The following DYSF variants were observed in gnomAD, a reference collection of about 807,000 sequenced individuals.
DYSF encodes the protein dysferlin.
Under a neutral mutation model 274.9 loss-of-function variants are expected in DYSF, and 212 were observed. That is an observed-to-expected ratio of 0.77 (90% CI 0.69 to 0.86). The LOEUF (loss-of-function observed/expected upper bound fraction) is 0.86. DYSF is among the 40% of genes least tolerant of loss of function. DYSF has a pLI of 0.00. For synonymous variants in DYSF, 1,091 were observed against 1,078.7 expected (o/e 1.01, Z -0.22); for missense variants, 2,666 against 2,783.2 (o/e 0.96, Z 0.95).
intron 3 of DYSF, among the ~76,000 whole-genome samples, chr2:71,492,688 T>G (rs1465125375): frequency 7.4e-6 from 1 of 134,774 alleles, no homozygotes; most frequent in Non-Finnish European, 1.5e-5. Context: ...ATTATTATTA[T>G]CTCCCTTCCT....
chr2:71,659,289 A>T (rs962436259), intron 44 of DYSF, among the ~76,000 whole-genome samples: 3 of 152,222 alleles, frequency 2.0e-5, no homozygotes, highest in African/African-American at 7.2e-5. Context: ...CTTAGGATAG[A>T]TGAGATTTTG....
chr2:71,626,472 A>G (rs1221390275), intron 41 of DYSF, among the ~76,000 whole-genome samples: 7 of 151,244 alleles, frequency 4.6e-5, no homozygotes, highest in Admixed American at 2.6e-4. Flanking sequence ...AACCCAAGTT[A>G]TCTAAAATAT....
At chr2:71,572,976 G>A (rs2092575117) in intron 29 of DYSF, among the ~76,000 whole-genome samples, 1 of 152,224 alleles carries the variant, frequency 6.6e-6, no homozygotes, top group African/African-American at 2.4e-5. Context: ...GCACACGCAA[G>A]CACATGCACT....
chr2:71,613,413 A>G lies in DYSF; in HGVS notation c.4464+3A>G, dbSNP rs756963814. On this transcript the variant is annotated splice_donor_region_variant and intron_variant, in intron 40 of 55. Coordinates refer to ENST00000410020, the MANE Select transcript of DYSF (RefSeq NM_001130987.2). ...AGGAGCCCCTCATCCCCATCCAGGT[A>G]GGATGGGCATCCTCCAGGGAGGCCT... 2 of 1,611,142 alleles carry G rather than the reference A, an allele frequency of 1.2e-6. No individual in the cohort carries two copies. The highest frequency in any genetic ancestry group is 1.1e-5 in the South Asian group (1 of 90,264).
chr2:71,505,060 C>T (rs935711787), intron 4 of DYSF, among the ~76,000 whole-genome samples: 19 of 152,358 alleles, frequency 1.2e-4, no homozygotes, highest in African/African-American at 4.6e-4. Flanking sequence ...TTGAGCCCCA[C>T]TAGCTGAGCA....
chr2:71,617,667 GGT>G (rs1456944910), intron 40 of DYSF, among the ~76,000 whole-genome samples: 1 of 138,438 alleles, frequency 7.2e-6, no homozygotes, highest in African/African-American at 2.7e-5. Context: ...GCAGAGGTGG[GGT>G]GTGTGTGTGG....
At chr2:71,666,005 A>G (rs1297095950) in intron 47 of DYSF, among the ~76,000 whole-genome samples, 1 of 151,992 alleles carries the variant, frequency 6.6e-6, no homozygotes, top group Non-Finnish European at 1.5e-5. Flanking sequence ...CCAAGGTTAT[A>G]AAAGGGAAAT....
At chr2:71,588,063 G>T (rs1454901023) in intron 30 of DYSF, among the ~76,000 whole-genome samples, 1 of 152,214 alleles carries the variant, frequency 6.6e-6, no homozygotes, top group Non-Finnish European at 1.5e-5. Flanking sequence ...GGCCTGGGAT[G>T]GTTGACGGCA....
intron 42 of DYSF, among the ~76,000 whole-genome samples, chr2:71,647,399 A>G (rs1308109694): frequency 1.3e-5 from 2 of 152,262 alleles, no homozygotes; most frequent in Admixed American, 6.5e-5. Flanking sequence ...CAATAAAATG[A>G]GAAATTAATA....
rs116733194 is a variant in DYSF at position 71,589,583 on chromosome 2, G to A, written c.3403-10G>A. ...GGCAGAATCTGCCATAACCAGCTTC[G>A]TGTCTCCAGGGCGGCGTGATGGATG... On this transcript the variant is annotated splice_polypyrimidine_tract_variant and intron_variant, in intron 30 of 55. Transcript: ENST00000410020. 428 of 1,613,648 alleles carry A rather than the reference G, an allele frequency of 2.7e-4. 2 individuals carry two copies. The African/African-American group carries it at 4.6e-3, about 17-fold the overall frequency.
At chr2:71,478,319 C>G (rs1356488202) in intron 1 of DYSF, among the ~76,000 whole-genome samples, 1 of 151,550 alleles carries the variant, frequency 6.6e-6, no homozygotes. Flanking sequence ...TCACGCCATT[C>G]TCCTGCCTCA....
intron 28 of DYSF, 54 bp downstream of exon 28, chr2:71,570,388 T>G: frequency 6.3e-7 from 1 of 1,578,560 alleles, no homozygotes; most frequent in South Asian, 1.1e-5. Flanking sequence ...TCTCAAGCCA[T>G]GCTGGTGGGG....
chr2:71,539,114 G>A (rs756466473), intron 16 of DYSF, 43 bp from the exon 17 acceptor site: 5 of 1,579,536 alleles, frequency 3.2e-6, no homozygotes, highest in Non-Finnish European at 4.4e-6. Flanking sequence ...GTGGCCTGCA[G>A]TTCCTTTCCT....
chr2:71,590,171 G>A, intron 31 of DYSF, 40 bp from the exon 32 acceptor site: 2 of 1,609,164 alleles, frequency 1.2e-6, no homozygotes, highest in Non-Finnish European at 1.7e-6. Flanking sequence ...AACCACTCCA[G>A]CCACTCACTC....
chr2:71,499,418 T>C (rs1290142085), intron 3 of DYSF, among the ~76,000 whole-genome samples: 1 of 152,246 alleles, frequency 6.6e-6, no homozygotes, highest in East Asian at 1.9e-4. Context: ...TTTTGTTTTG[T>C]TCTTACAATG....
intron 17 of DYSF, among the ~76,000 whole-genome samples, chr2:71,544,295 C>T (rs1343655391): frequency 2.0e-5 from 3 of 152,078 alleles, no homozygotes; most frequent in Admixed American, 1.3e-4. Context: ...TCCATCTCCT[C>T]AGATCTTTAG....
rs116022507 is a variant in DYSF, at chr2:71,495,259, G to T, written c.240-7955G>T. ...GGTGCTCACTACATATTTGTTGAATGAATGAATGAATGACTTTTACAGATG... is the reference window on the plus strand; with the variant it reads ...GGTGCTCACTACATATTTGTTGAATTAATGAATGAATGACTTTTACAGATG... On this transcript the variant is annotated intron_variant, in intron 3 of 55. Coordinates refer to ENST00000410020, the MANE Select transcript of DYSF (RefSeq NM_001130987.2). 8.8e-3 allele frequency among the ~76,000 whole-genome samples: 1,347 copies of T among 152,284 alleles called. 20 individuals carry two copies. The highest frequency in any genetic ancestry group is 0.031 in the African/African-American group (1,288 of 41,538).
At chr2:71,522,526 C>A (rs946882326) in intron 12 of DYSF, among the ~76,000 whole-genome samples, 3 of 152,170 alleles carry the variant, frequency 2.0e-5, no homozygotes, top group African/African-American at 4.8e-5. Flanking sequence ...TTCGATGTTG[C>A]AGTTCAGTCC....
intron 30 of DYSF, among the ~76,000 whole-genome samples, chr2:71,584,397 C>T (rs2092996191): frequency 1.3e-5 from 2 of 152,170 alleles, no homozygotes; most frequent in South Asian, 4.1e-4. Context: ...AGGAAGCCTT[C>T]CTGAAGGGGC....
Sources: gnomAD v4.1 joint callset for allele counts (sites outside exome capture counted in the v4.1 genomes callset) on GRCh38, gnomAD v4.1.1 for gene constraint, MANE v1.5 for transcripts, NCBI Gene and HGNC (gene_info 2026-07-23, HGNC 2026-07-21) for gene names.